Variants in CTPS1 observed in about 807,000 individuals in gnomAD.
CTPS1 encodes CTP synthetase 1.
Under a neutral mutation model 80.5 loss-of-function variants are expected in CTPS1, and 25 were observed. The observed-to-expected ratio is 0.31, with a 90% CI of 0.23 to 0.43. CTPS1 has a LOEUF of 0.43. Among genes scored for constraint, CTPS1 ranks in the 20% least tolerant of loss-of-function variants. The pLI is 1.00. For missense variants in CTPS1, 442 were observed against 725.7 expected, an observed-to-expected ratio of 0.61 and a Z score of 4.49; for synonymous variants, 267 against 252.5, an observed-to-expected ratio of 1.06 and a Z score of -0.54.
chr1:41,000,349 TCTC>T (rs1041105052), intron 9 of CTPS1, among the ~76,000 whole-genome samples: 2 of 152,162 alleles, frequency 1.3e-5, no homozygotes, highest in South Asian at 4.1e-4. Flanking sequence ...TTCAAGCAGT[TCTC>T]CTGCCTCAGC....
At chr1:40,996,305 G>A (rs1433332919) in intron 8 of CTPS1, among the ~76,000 whole-genome samples, 1 of 152,138 alleles carries the variant, frequency 6.6e-6, no homozygotes, top group East Asian at 1.9e-4. Flanking sequence ...AATGAGTTCG[G>A]GTTATGTCTT....
At chr1:41,002,029 A>G in intron 10 of CTPS1, 131 bp from the exon 11 acceptor site, 2 of 780,000 alleles carry the variant, frequency 2.6e-6, no homozygotes, top group Non-Finnish European at 4.5e-6. Flanking sequence ...CATACAATTC[A>G]TTGTCACAGT....
At chr1:40,981,349 TAA>T (rs1249658389) in intron 1 of CTPS1, 2 of 152,334 alleles carry the variant, frequency 1.3e-5, no homozygotes, top group African/African-American at 4.8e-5. Context: ...CTAAAGAACG[TAA>T]AGAGAGATGT....
intron 7 of CTPS1, among the ~76,000 whole-genome samples, chr1:40,995,118 A>G (rs1317367838): frequency 5.9e-5 from 9 of 152,202 alleles, no homozygotes; most frequent in South Asian, 2.1e-4. Context: ...AATGATTCCA[A>G]TATGCAGCTG....
At chr1:40,997,341 T>C (rs1303718980) in intron 8 of CTPS1, 53 bp from the exon 9 acceptor site, 13 of 1,581,424 alleles carry the variant, frequency 8.2e-6, no homozygotes, top group Non-Finnish European at 1.0e-5. Flanking sequence ...TTTGGTCTCA[T>C]GATAGCGTGT....
chr1:41,009,518 C>T lies in CTPS1; in HGVS notation c.1620C>T (p.Tyr540=), dbSNP rs1348176059. ...LSRPIKPSPP[Y]FGLLLASVGR... ...GGCCTATCAAGCCCTCCCCACCATA[C>T]TTTGGCCTCCTCCTGGCCTCTGTGG... The change falls in exon 17 of 19, where the codon TAC becomes TAT. Residue 540 remains tyrosine, a synonymous_variant. Transcript: ENST00000650070. 6.2e-7 allele frequency: 1 copy of T among 1,613,980 alleles called. No homozygotes were observed. The highest frequency in any genetic ancestry group is 1.3e-5 in the African/African-American group (1 of 74,904).
At chr1:40,980,808 A>T (rs1205778728) in intron 1 of CTPS1, 1 of 152,342 alleles carries the variant, frequency 6.6e-6, no homozygotes, top group Admixed American at 6.5e-5. Context: ...GCCCTTGCCT[A>T]CCTTTCCAGT....
chr1:40,994,148 T>C (rs1642694198), intron 7 of CTPS1, among the ~76,000 whole-genome samples: 1 of 152,240 alleles, frequency 6.6e-6, no homozygotes, highest in Admixed American at 6.5e-5. Context: ...ATCTGTTTTT[T>C]TCTTTTATGG....
Position 41,007,748 on chromosome 1 carries a change from A to G in CTPS1, c.1393+203A>G, listed in dbSNP as rs1316884739. ...AAGCAGTGTGGGTCTTAGAAAGGAC[A>G]CTGGCAGTGCAGTCAGACTCCTAGG... On this transcript the variant is annotated intron_variant, in intron 14 of 18. Transcript: ENST00000650070. The surrounding 1 kb of genome is among the most constrained non-coding windows in gnomAD (Gnocchi z 4.4). Among the ~76,000 whole-genome samples the G allele has an allele frequency of 6.6e-6, 1 of 152,210 alleles. No individual in the cohort carries two copies. The highest frequency in any genetic ancestry group is 2.4e-5 in the African/African-American group (1 of 41,458).
Position 40,985,102 on chromosome 1 carries a change from G to C in CTPS1, c.337+111G>C, listed in dbSNP as rs1041176794. The C allele has an allele frequency of 4.4e-6, 3 of 674,982 alleles. No homozygotes were observed. In the South Asian group the frequency reaches 2.1e-4, roughly 48 times the overall value. The allele number at this position is 674,982 out of a possible 1,614,324, so 41.8% of individuals were successfully genotyped here. A position where few individuals can be genotyped will look rare whatever the true frequency, so the allele number is the denominator to read the frequency against. ...CCTTTTGAGTACAGAAGTTTACATTGTATGTGATTTCAGCATGAAACTCTC... is the reference window on the plus strand; with the variant it reads ...CCTTTTGAGTACAGAAGTTTACATTCTATGTGATTTCAGCATGAAACTCTC... On this transcript the variant is annotated intron_variant, in intron 3 of 18. Transcript: ENST00000650070.
intron 5 of CTPS1, among the ~76,000 whole-genome samples, chr1:40,990,636 A>AG (rs1448221739): frequency 6.6e-6 from 1 of 151,686 alleles, no homozygotes; most frequent in Non-Finnish European, 1.5e-5. Context: ...AAAAAAAGAA[A>AG]AAGTCCAACA....
chr1:40,997,280 G>C, intron 8 of CTPS1, 114 bp from the exon 9 acceptor site: 1 of 1,261,722 alleles, frequency 7.9e-7, no homozygotes, highest in Non-Finnish European at 1.1e-6. Flanking sequence ...AGGATTATGG[G>C]CGTGAGCTCA....
At chr1:40,986,641 A>T (rs747301175) in intron 3 of CTPS1, among the ~76,000 whole-genome samples, 1 of 152,224 alleles carries the variant, frequency 6.6e-6, no homozygotes, top group Non-Finnish European at 1.5e-5. Flanking sequence ...CTGGAGTTAA[A>T]CAGTAATCTT....
rs758675860 is a variant in CTPS1, at chr1:41,012,205, T to C, written c.*557T>C. On this transcript the variant is annotated 3_prime_UTR_variant, in exon 19 of 19. Coordinates refer to ENST00000650070, the MANE Select transcript of CTPS1 (RefSeq NM_001905.4). ...GGCTGGTCCTCATTCAAAGGGACGG[T>C]CAGTTTGGTGTCAACATGAAACACC... The C allele has an allele frequency of 1.3e-5, 2 of 152,122 alleles. No homozygotes were observed. The highest frequency in any genetic ancestry group is 2.9e-5 in the Non-Finnish European group (2 of 68,036). 9.4% of individuals were successfully genotyped at this position (152,122 alleles called of 1,614,324 possible). A position where few individuals can be genotyped will look rare whatever the true frequency, so the allele number is the denominator to read the frequency against.
chr1:40,992,498 G>A lies in CTPS1; in HGVS notation c.720+653G>A, dbSNP rs115000966. On this transcript the variant is annotated intron_variant, in intron 7 of 18. Transcript: ENST00000650070. The stretch of plus-strand genomic sequence containing the variant: ...CAGAGATCTTAGTGTTTTTGTTACT[G>A]TACCTATGATGCAGGAAATCCAAAA... Among the ~76,000 whole-genome samples, 459 of 152,176 alleles carry A rather than the reference G, an allele frequency of 3.0e-3. 1 individual carries two copies. Among genetic ancestry groups the A allele is most frequent in the African/African-American group, 0.01 (430 of 41,510 alleles).
chr1:40,987,559 C>A lies in CTPS1; in HGVS notation c.438+87C>A. On this transcript the variant is annotated intron_variant, in intron 4 of 18. Transcript: ENST00000650070. ...CTGATAAGACAGTTCCCAGTGGAGC[C>A]CTTGGCCTTCCTATCTCTGGTGCAG... The A allele has an allele frequency of 9.7e-6, 9 of 930,006 alleles. No homozygotes were observed. In the South Asian group the frequency reaches 1.3e-4, roughly 13 times the overall value. 57.6% of individuals were successfully genotyped at this position (930,006 alleles called of 1,614,324 possible).
Position 41,007,364 on chromosome 1 carries a change from C to A in CTPS1, c.1297-85C>A. On this transcript the variant is annotated intron_variant, in intron 13 of 18. Coordinates refer to ENST00000650070, the MANE Select transcript of CTPS1 (RefSeq NM_001905.4). The surrounding 1 kb of genome is among the most constrained non-coding windows in gnomAD (Gnocchi z 4.4). ...TGGAGAATTAGAGCTTACTTACAAG[C>A]CTTTGCCACCCACTCAGCGAGGGAG... The A allele has an allele frequency of 8.9e-7, 1 of 1,129,076 alleles. No homozygotes were observed. Among genetic ancestry groups the A allele is most frequent in the Non-Finnish European group, 1.3e-6 (1 of 753,444 alleles). 69.9% of individuals were successfully genotyped at this position (1,129,076 alleles called of 1,614,324 possible).
chr1:41,000,581 C>T (rs1167143606), intron 9 of CTPS1, among the ~76,000 whole-genome samples: 1 of 151,974 alleles, frequency 6.6e-6, no homozygotes, highest in East Asian at 1.9e-4. Flanking sequence ...GTATGTTTGA[C>T]AAAACTCTTC....
intron 3 of CTPS1, 41 bp from the exon 4 acceptor site, chr1:40,987,331 A>G (rs1642481436): frequency 7.0e-7 from 1 of 1,428,974 alleles, no homozygotes; most frequent in East Asian, 2.3e-5. Flanking sequence ...ATCAATGTAG[A>G]TGGACAAGCG....
Sources: allele counts gnomAD v4.1 joint callset (sites outside exome capture counted in the v4.1 genomes callset), GRCh38; gene constraint gnomAD v4.1.1; non-coding constraint Gnocchi (gnomAD v3.1); transcripts MANE v1.5; gene names NCBI Gene and HGNC (gene_info 2026-07-23, HGNC 2026-07-21).